Variants in SLC2A9 observed in about 807,000 individuals in gnomAD.
SLC2A9 encodes the protein solute carrier family 2, facilitated glucose transporter member 9.
Under a neutral mutation model 50.6 loss-of-function variants are expected in SLC2A9, and 39 were observed. The ratio of observed to expected loss-of-function variants is 0.77; its 90% CI spans 0.60 to 1.01. The LOEUF (loss-of-function observed/expected upper bound fraction) is 1.01. SLC2A9 is among the 50% of genes least tolerant of loss of function. SLC2A9 has a pLI of 0.00. For missense variants in SLC2A9, 686 were observed against 677.6 expected, an observed-to-expected ratio of 1.01 and a Z score of -0.14; for synonymous variants, 324 against 276.9, an observed-to-expected ratio of 1.17 and a Z score of -1.69.
chr4:9,861,852 C>A (rs1298500614), intron 10 of SLC2A9, among the ~76,000 whole-genome samples: 1 of 152,178 alleles, frequency 6.6e-6, no homozygotes, highest in Non-Finnish European at 1.5e-5. Context: ...GATTAAAGTA[C>A]AGACACATCT....
At chr4:9,983,122 C>T (rs145731483) in intron 4 of SLC2A9, among the ~76,000 whole-genome samples, 1 of 152,208 alleles carries the variant, frequency 6.6e-6, no homozygotes, top group Non-Finnish European at 1.5e-5. Flanking sequence ...CCCGCCTCGG[C>T]CTCCCAAAGT....
chr4:9,900,797 T>C, intron 8 of SLC2A9, among the ~76,000 whole-genome samples: 1 of 152,114 alleles, frequency 6.6e-6, no homozygotes, highest in Non-Finnish European at 1.5e-5. Context: ...GGAAGGAGAA[T>C]GAGTGTCCAG....
chr4:9,912,129 A>G lies in SLC2A9; in HGVS notation c.1003-3784T>C, dbSNP rs1477221463. On this transcript the variant is annotated intron_variant, in intron 7 of 11. Coordinates refer to ENST00000264784, the MANE Select transcript of SLC2A9 (RefSeq NM_020041.3). ...CACAGGAAGGGGAATATCACACACCAGTGACTGTTCTGGGGTGGGGGGAGC... is the reference window on the plus strand; with the variant it reads ...CACAGGAAGGGGAATATCACACACCGGTGACTGTTCTGGGGTGGGGGGAGC... Among the ~76,000 whole-genome samples the G allele has an allele frequency of 2.6e-5, 4 of 152,072 alleles. No homozygotes were observed. In the East Asian group the frequency reaches 7.7e-4, roughly 29 times the overall value.
downstream of SLC2A9, among the ~76,000 whole-genome samples, chr4:9,797,453 T>G (rs1453370594): frequency 6.6e-6 from 1 of 152,190 alleles, no homozygotes; most frequent in Non-Finnish European, 1.5e-5. Context: ...AGAACTGAGA[T>G]GCAGACTGAC....
intron 10 of SLC2A9, among the ~76,000 whole-genome samples, chr4:9,839,956 A>AC (rs1727778006): frequency 6.6e-6 from 1 of 152,210 alleles, no homozygotes; most frequent in African/African-American, 2.4e-5. Flanking sequence ...ACAAACCTGC[A>AC]CATGTACCCC....
chr4:9,897,773 G>A lies in SLC2A9; in HGVS notation c.1114-7062C>T, dbSNP rs754588951. On this transcript the variant is annotated intron_variant, in intron 8 of 11. Coordinates refer to ENST00000264784, the MANE Select transcript of SLC2A9 (RefSeq NM_020041.3). ...GGTGTGGTGGTGCATGCCTGTAATC[G>A]CAGCTACACGGGAGGCTGAGGCAGG... Among the ~76,000 whole-genome samples, 8 of 151,990 alleles carry A rather than the reference G, an allele frequency of 5.3e-5. No individual in the cohort carries two copies. In the South Asian group the frequency reaches 6.2e-4, roughly 12 times the overall value.
At chr4:9,821,202 CTCAG>C (rs1303501529) in intron 3 of SLC2A9, among the ~76,000 whole-genome samples, 1 of 152,266 alleles carries the variant, frequency 6.6e-6, no homozygotes, top group Admixed American at 6.5e-5. Context: ...TTCTTTTCCC[CTCAG>C]TCAGTTAATA....
At chr4:9,826,624 C>T (rs746940204) in intron 11 of SLC2A9, 24 bp from the exon 12 acceptor site, 2 of 1,605,482 alleles carry the variant, frequency 1.2e-6, no homozygotes, top group Non-Finnish European at 8.5e-7. Flanking sequence ...GAGACAAAAA[C>T]CCTCAAATAG....
intron 11 of SLC2A9, among the ~76,000 whole-genome samples, chr4:9,828,946 G>A (rs1560161395): frequency 6.6e-6 from 1 of 152,142 alleles, no homozygotes. Context: ...TGGATGGATG[G>A]ACTGAGGCTC....
intron 3 of SLC2A9, chr4:9,782,941 C>T: frequency 6.2e-7 from 1 of 1,613,946 alleles, no homozygotes; most frequent in Non-Finnish European, 8.5e-7. Context: ...TCATGGGGGT[C>T]TTCGTGTGTT....
intron 6 of SLC2A9, among the ~76,000 whole-genome samples, chr4:9,933,455 C>A (rs953866037): frequency 1.3e-5 from 2 of 152,184 alleles, no homozygotes; most frequent in African/African-American, 4.8e-5. Flanking sequence ...ACCTCTGTAA[C>A]CATTTCCTGG....
At chr4:9,980,848 G>A (rs1755622409) in intron 4 of SLC2A9, 111 bp from the exon 5 acceptor site, 1 of 1,396,972 alleles carries the variant, frequency 7.2e-7, no homozygotes, top group Admixed American at 1.8e-5. Context: ...AAATAGCACT[G>A]TAGCCACGGC....
At chr4:9,937,869 C>T (rs965348209) in intron 6 of SLC2A9, among the ~76,000 whole-genome samples, 4 of 152,118 alleles carry the variant, frequency 2.6e-5, no homozygotes, top group Non-Finnish European at 5.9e-5. Flanking sequence ...CTCTGTTGCC[C>T]CTCCCTCAGC....
At chr4:9,868,692 C>T (rs1413316043) in intron 10 of SLC2A9, among the ~76,000 whole-genome samples, 1 of 152,158 alleles carries the variant, frequency 6.6e-6, no homozygotes, top group Non-Finnish European at 1.5e-5. Flanking sequence ...CCCCAGGAAC[C>T]CCCATACCTG....
chr4:9,803,555 G>A (rs1232198158), intron 3 of SLC2A9, among the ~76,000 whole-genome samples: 1 of 152,178 alleles, frequency 6.6e-6, no homozygotes, highest in Non-Finnish European at 1.5e-5. Flanking sequence ...AAATCTCTTT[G>A]CCACTAAAAG....
intron 11 of SLC2A9, among the ~76,000 whole-genome samples, chr4:9,830,999 G>A (rs929439980): frequency 6.6e-6 from 1 of 152,194 alleles, no homozygotes; most frequent in African/African-American, 2.4e-5. Flanking sequence ...CATGCTCAGG[G>A]CCCTCCGCTA....
At chr4:9,848,953 C>T (rs1422637896) in intron 10 of SLC2A9, among the ~76,000 whole-genome samples, 3 of 152,182 alleles carry the variant, frequency 2.0e-5, no homozygotes, top group South Asian at 2.1e-4. Flanking sequence ...CCGCCTGCCT[C>T]GGCCTCCCGA....
chr4:9,879,560 T>C, intron 10 of SLC2A9: 1 of 984,560 alleles, frequency 1.0e-6, no homozygotes. Flanking sequence ...AGAGGGGTCC[T>C]TTTTCCAAGC....
chr4:9,816,772 A>G (rs1723651648), intron 3 of SLC2A9, among the ~76,000 whole-genome samples: 1 of 152,154 alleles, frequency 6.6e-6, no homozygotes. Context: ...TTCTCTTTTC[A>G]TAAGTTTTCT....
Sources: allele counts gnomAD v4.1 joint callset (sites outside exome capture counted in the v4.1 genomes callset), GRCh38; gene constraint gnomAD v4.1.1; transcripts MANE v1.5; gene names NCBI Gene and HGNC (gene_info 2026-07-23, HGNC 2026-07-21).